Variants in CAMTA1 observed in about 807,000 individuals in gnomAD.
CAMTA1 encodes the protein calmodulin binding transcription activator 1, also known as calmodulin-binding transcription activator 1.
CAMTA1 carries 27 observed loss-of-function variants against 170.9 expected under a neutral mutation model. That is an observed-to-expected ratio of 0.16 (90% confidence interval 0.12 to 0.22). The LOEUF (loss-of-function observed/expected upper bound fraction) is 0.22, where lower values mean the gene tolerates loss of function less well. Ranked by LOEUF, CAMTA1 falls within the 10% of genes least tolerant of loss-of-function variation. CAMTA1 has a pLI of 1.00. For synonymous variants in CAMTA1, 833 were observed against 891.5 expected (o/e 0.93, Z 1.17); for missense variants, 1,619 against 2,217.2 (o/e 0.73, Z 5.42).
intron 3 of CAMTA1, among the ~76,000 whole-genome samples, chr1:7,081,025 G>A (rs115777418): frequency 0.06 from 9,196 of 152,274 alleles, 315 homozygotes; most frequent in African/African-American, 0.095. Flanking sequence ...AGAGTGCATG[G>A]CTACCAAAGG....
intron 3 of CAMTA1, among the ~76,000 whole-genome samples, chr1:6,953,314 C>T (rs554365454): frequency 6.6e-6 from 1 of 152,322 alleles, no homozygotes; most frequent in East Asian, 1.9e-4. Context: ...CCTTGTGAGC[C>T]ATGTGGAGAC....
chr1:6,838,506 G>A (rs1403097850), intron 3 of CAMTA1, among the ~76,000 whole-genome samples: 1 of 152,150 alleles, frequency 6.6e-6, no homozygotes, highest in African/African-American at 2.4e-5. Context: ...CCAATAGAGA[G>A]ATGGCCAAAC....
intron 5 of CAMTA1, among the ~76,000 whole-genome samples, chr1:7,321,628 C>T (rs1574663200): frequency 6.6e-6 from 1 of 152,318 alleles, no homozygotes; most frequent in South Asian, 2.1e-4. Flanking sequence ...CAGGGCTTTT[C>T]TGACATTTCA....
At chr1:7,460,285 C>G (rs2093052335) in intron 5 of CAMTA1, among the ~76,000 whole-genome samples, 1 of 152,258 alleles carries the variant, frequency 6.6e-6, no homozygotes. Context: ...GTCACTTCCT[C>G]TTAGGTGACT....
chr1:7,420,631 TAA>T (rs2091500554), intron 5 of CAMTA1, among the ~76,000 whole-genome samples: 8 of 152,040 alleles, frequency 5.3e-5, no homozygotes, highest in Admixed American at 4.6e-4. Flanking sequence ...GCTCTGTCAA[TAA>T]GTTTCTGTTC....
In CAMTA1 at chr1:7,748,967, T is replaced by A. The variant is rs183054993; in HGVS notation, c.4689+1186T>A. Among the ~76,000 whole-genome samples, 215 of 152,302 alleles carry A rather than the reference T, an allele frequency of 1.4e-3. 2 individuals are homozygous for A. Among genetic ancestry groups the A allele is most frequent in the African/African-American group, 4.8e-3 (201 of 41,560 alleles). ...TTACAATTATTTGAAGTAAGCAGTA[T>A]TTATTTCCAGTTTACAGATGAAGAA... On this transcript the variant is annotated intron_variant, in intron 19 of 22. Coordinates refer to ENST00000303635, the MANE Select transcript of CAMTA1 (RefSeq NM_015215.4). The surrounding 1 kb of genome is among the most constrained non-coding windows in gnomAD (Gnocchi z 4.7).
chr1:7,459,115 T>C (rs1247811479), intron 5 of CAMTA1, among the ~76,000 whole-genome samples: 1 of 152,016 alleles, frequency 6.6e-6, no homozygotes, highest in African/African-American at 2.4e-5. Context: ...ATGGCACGGG[T>C]GTCTGAGCGA....
intron 5 of CAMTA1, among the ~76,000 whole-genome samples, chr1:7,374,878 C>A (rs371368157): frequency 5.3e-5 from 8 of 152,338 alleles, no homozygotes; most frequent in African/African-American, 1.9e-4. Context: ...TAGTCGGCAG[C>A]GGGACCAGGA....
intron 3 of CAMTA1, among the ~76,000 whole-genome samples, chr1:6,938,520 C>T (rs1303555649): frequency 6.6e-6 from 1 of 152,144 alleles, no homozygotes; most frequent in Non-Finnish European, 1.5e-5. Flanking sequence ...GCTTGGCTGG[C>T]GGGCCTTGGG....
At chr1:7,471,494 T>C (rs2149564787) in intron 6 of CAMTA1, among the ~76,000 whole-genome samples, 1 of 152,346 alleles carries the variant, frequency 6.6e-6, no homozygotes, top group Middle Eastern at 3.4e-3. Context: ...GTGGCACCCA[T>C]CCTCAGCATT....
intron 3 of CAMTA1, among the ~76,000 whole-genome samples, chr1:6,962,943 G>A (rs111868189): frequency 0.024 from 3,480 of 143,528 alleles, 67 homozygotes; most frequent in African/African-American, 0.057. Flanking sequence ...CCCTCTTTCA[G>A]TTGGGGCCCC....
chr1:7,013,865 G>A (rs150275535), intron 3 of CAMTA1, among the ~76,000 whole-genome samples: 73 of 152,292 alleles, frequency 4.8e-4, no homozygotes, highest in South Asian at 1.4e-3. Flanking sequence ...CATAATGCTC[G>A]GCTTCCTTGT....
chr1:7,556,427 T>A (rs1278760212), intron 6 of CAMTA1, among the ~76,000 whole-genome samples: 9 of 152,340 alleles, frequency 5.9e-5, no homozygotes, highest in South Asian at 4.1e-4. Context: ...GCATGACGAC[T>A]GTGCCTTCTT....
At chr1:7,612,372 A>G (rs1452123111) in intron 6 of CAMTA1, among the ~76,000 whole-genome samples, 1 of 150,732 alleles carries the variant, frequency 6.6e-6, no homozygotes, top group Non-Finnish European at 1.5e-5. Flanking sequence ...ACGTTTAGAC[A>G]CTCCTTCTCT....
At chr1:7,661,046 T>A (rs1482923020) in intron 7 of CAMTA1, among the ~76,000 whole-genome samples, 2 of 152,180 alleles carry the variant, frequency 1.3e-5, no homozygotes, top group African/African-American at 4.8e-5. Context: ...GGGAGGAAGG[T>A]TGAGCCCAGC....
Position 7,269,948 on chromosome 1 carries a change from A to G in CAMTA1, c.438+20322A>G, listed in dbSNP as rs373943584. On this transcript the variant is annotated intron_variant, in intron 5 of 22. Coordinates refer to ENST00000303635, the MANE Select transcript of CAMTA1 (RefSeq NM_015215.4). Reference sequence around the variant, plus strand: ...CCAGCAACAAAGAGGAAATCTTTTAATTAGGCAGAGAAAAACACATTACAA... The same window carrying G: ...CCAGCAACAAAGAGGAAATCTTTTAGTTAGGCAGAGAAAAACACATTACAA... Among the ~76,000 whole-genome samples, 81 of 152,318 alleles carry G rather than the reference A, an allele frequency of 5.3e-4. 2 individuals are homozygous for G. The South Asian group carries it at 0.016, about 30-fold the overall frequency.
intron 5 of CAMTA1, among the ~76,000 whole-genome samples, chr1:7,336,164 G>A (rs1307066102): frequency 6.6e-6 from 1 of 152,230 alleles, no homozygotes; most frequent in Non-Finnish European, 1.5e-5. Flanking sequence ...TGGGGACAGT[G>A]TTGTTCACAG....
At chr1:7,397,652 C>T (rs1336424624) in intron 5 of CAMTA1, among the ~76,000 whole-genome samples, 1 of 151,974 alleles carries the variant, frequency 6.6e-6, no homozygotes, top group Admixed American at 6.6e-5. Context: ...TTGCTATAAA[C>T]TTCTCTCTTA....
At chr1:7,296,157 C>A (rs1386021203) in intron 5 of CAMTA1, among the ~76,000 whole-genome samples, 2 of 152,188 alleles carry the variant, frequency 1.3e-5, no homozygotes, top group Non-Finnish European at 1.5e-5. Context: ...TCAGAGTGAG[C>A]AAGTGAGAAG....
Sources: gnomAD v4.1 joint callset for allele counts (sites outside exome capture counted in the v4.1 genomes callset) on GRCh38, gnomAD v4.1.1 for gene constraint, Gnocchi (gnomAD v3.1) non-coding constraint, MANE v1.5 for transcripts, NCBI Gene and HGNC (gene_info 2026-07-23, HGNC 2026-07-21) for gene names.